MCAM: variants seen among roughly 807,000 people sequenced by gnomAD.
The protein encoded by MCAM is cell surface glycoprotein MUC18.
In MCAM, 55 loss-of-function variants were observed where a neutral mutation model predicts 79.1. The ratio of observed to expected loss-of-function variants is 0.70; its 90% CI spans 0.56 to 0.87. The LOEUF is 0.87. Ranked by LOEUF, MCAM falls within the 40% of genes least tolerant of loss-of-function variation. The pLI is 0.00. For missense variants in MCAM, 745 were observed against 839.8 expected, an observed-to-expected ratio of 0.89 and a Z score of 1.40; for synonymous variants, 330 against 339.8, an observed-to-expected ratio of 0.97 and a Z score of 0.32.
chr11:119,309,926 G>A lies in MCAM; in HGVS notation c.1912-11C>T, dbSNP rs971653591. On this transcript the variant is annotated splice_polypyrimidine_tract_variant and intron_variant, in intron 15 of 15. Transcript: ENST00000264036. ...GATGTATTTCTCTCCCTAAAAGTGG[G>A]TAGAGGAGAAGAGGGGAACACGGAG... The A allele has an allele frequency of 2.5e-6, 4 of 1,599,506 alleles. No individual in the cohort carries two copies. Among genetic ancestry groups the A allele is most frequent in the South Asian group, 1.1e-5 (1 of 88,188 alleles).
intron 5 of MCAM, 197 bp from the exon 6 acceptor site, chr11:119,313,146 A>G: frequency 6.6e-7 from 1 of 1,525,628 alleles, no homozygotes; most frequent in Non-Finnish European, 8.8e-7. Context: ...AAACATTTTC[A>G]TGTCTGCTCA....
Position 119,311,404 on chromosome 11 carries a change from T to C in MCAM, c.1425A>G (p.Gln475=), listed in dbSNP as rs1262551103. 4.3e-6 allele frequency: 7 copies of C among 1,614,022 alleles called. No individual in the cohort carries two copies. Among genetic ancestry groups the C allele is most frequent in the Non-Finnish European group, 5.9e-6 (7 of 1,180,024 alleles). ...NVNGTASEQD[Q]DPQRVLSTLN... is the part of the protein sequence containing the mutation. Reference sequence around the variant, plus strand: ...GGGTGCTCAGGACTCGCTGTGGATCTTGGTCTTGTTCACTTGCCTGCGAGG... The same window carrying C: ...GGGTGCTCAGGACTCGCTGTGGATCCTGGTCTTGTTCACTTGCCTGCGAGG... The change falls in exon 12 of 16, where the codon CAA becomes CAG. Residue 475 remains glutamine, a synonymous_variant. Coordinates refer to ENST00000264036, the MANE Select transcript of MCAM (RefSeq NM_006500.3). The surrounding 1 kb of genome is among the most constrained non-coding windows in gnomAD (Gnocchi z 4.4).
Position 119,309,765 on chromosome 11 carries a change from G to C in MCAM, c.*121C>G, listed in dbSNP as rs557747994. 2.9e-6 allele frequency: 3 copies of C among 1,028,252 alleles called. No individual in the cohort carries two copies. Among genetic ancestry groups the C allele is most frequent in the Middle Eastern group, 3.0e-4 (1 of 3,326 alleles). The allele number at this position is 1,028,252 out of a possible 1,614,324, so 63.7% of individuals were successfully genotyped here. ...TAACCCAGTGGCCCTCTGAAAGGGG[G>C]TGTGCAGGCGAGGGGAGCAGGAGGC... On this transcript the variant is annotated 3_prime_UTR_variant, in exon 16 of 16. Coordinates refer to ENST00000264036, the MANE Select transcript of MCAM (RefSeq NM_006500.3).
At position 119,312,197 on chromosome 11, in the gene MCAM, A is replaced by G. The variant is rs997297307; in HGVS notation, c.1025-27T>C. 1.2e-6 allele frequency: 2 copies of G among 1,610,766 alleles called. No homozygotes were observed. Among genetic ancestry groups the G allele is most frequent in the Non-Finnish European group, 1.7e-6 (2 of 1,177,954 alleles). ...TGGGGGTACAGCAATCATGTCACCC[A>G]GGGCAGGGTGGGGCCAGTTCCCTAT... On this transcript the variant is annotated intron_variant, in intron 8 of 15. Coordinates refer to ENST00000264036, the MANE Select transcript of MCAM (RefSeq NM_006500.3). The surrounding 1 kb of genome is among the most constrained non-coding windows in gnomAD (Gnocchi z 4.9).
chr11:119,310,083 T>A (rs1329943930), intron 15 of MCAM, 168 bp from the exon 16 acceptor site: 2 of 665,010 alleles, frequency 3.0e-6, no homozygotes, highest in African/African-American at 3.6e-5. Context: ...GCGGCCCCCG[T>A]CTGACTGCAC....
At position 119,311,858 on chromosome 11, in the gene MCAM, G is replaced by C. The variant is rs1366678976; in HGVS notation, c.1235C>G (p.Pro412Arg). The change falls in exon 10 of 16, where the codon CCC becomes CGC. Residue 412 changes from proline (P) to arginine (R), a missense_variant. By Grantham distance (103) the Pro-to-Arg change is moderately radical. Coordinates refer to ENST00000264036, the MANE Select transcript of MCAM (RefSeq NM_006500.3). This position sits in a 1 kb window ranked among gnomAD's most constrained non-coding sequence, Gnocchi z 4.4. ...GGGYRCVASV[P>R]SIPGLNRTQL... The stretch of plus-strand genomic sequence containing the variant: ...TGTGCGGTTCAGGCCGGGTATGCTG[G>C]GCACAGACGCCACGCAGCGATAGCC... 2 of 1,614,000 alleles carry C rather than the reference G, an allele frequency of 1.2e-6. No individual in the cohort carries two copies. Among genetic ancestry groups the C allele is most frequent in the African/African-American group, 2.7e-5 (2 of 74,916 alleles).
chr11:119,309,955 G>A, intron 15 of MCAM, 40 bp from the exon 16 acceptor site: 1 of 1,553,768 alleles, frequency 6.4e-7, no homozygotes, highest in Non-Finnish European at 8.8e-7. Context: ...CACGGAGACG[G>A]TGCTGAGTTG....
In MCAM at chr11:119,315,305, G is replaced by C; in HGVS notation, c.68-42C>G. Reference sequence around the variant, plus strand: ...GGGCCCCCGCAGCTGTGTCAGCTCCGGCTGCTGTCCGCCCCTCCCCTCGCA... The same window carrying C: ...GGGCCCCCGCAGCTGTGTCAGCTCCCGCTGCTGTCCGCCCCTCCCCTCGCA... On this transcript the variant is annotated intron_variant, in intron 1 of 15. Transcript: ENST00000264036. This position sits in a 1 kb window ranked among gnomAD's most constrained non-coding sequence, Gnocchi z 4.4. 1 of 1,581,828 alleles carries C rather than the reference G, an allele frequency of 6.3e-7. No individual in the cohort carries two copies. Among genetic ancestry groups the C allele is most frequent in the Non-Finnish European group, 8.6e-7 (1 of 1,168,526 alleles).
Position 119,310,240 on chromosome 11 carries a change from G to A in MCAM, c.1911+109C>T, listed in dbSNP as rs949160835. On this transcript the variant is annotated intron_variant, in intron 15 of 15. Transcript: ENST00000264036. ...GTGTTAAGAAGGCAAGATGGGGCCT[G>A]CTCCCTATCTCTGACAAAGAGGGAT... is the stretch of plus-strand genomic sequence containing the variant. 10 of 800,870 alleles carry A rather than the reference G, an allele frequency of 1.2e-5. No homozygotes were observed. The East Asian group carries it at 2.2e-4, about 18-fold the overall frequency. The allele number at this position is 800,870 out of a possible 1,614,324, so 49.6% of individuals were successfully genotyped here. A position where few individuals can be genotyped will look rare whatever the true frequency, so the allele number is the denominator to read the frequency against.
chr11:119,314,161 C>A (rs752406260), intron 5 of MCAM: 9 of 549,780 alleles, frequency 1.6e-5, no homozygotes, highest in Non-Finnish European at 2.4e-5. Flanking sequence ...ACCATAGGGA[C>A]AGCTCTTTTT....
intron 15 of MCAM, 127 bp from the exon 16 acceptor site, chr11:119,310,042 T>C (rs373443420): frequency 2.4e-6 from 2 of 819,144 alleles, no homozygotes; most frequent in Non-Finnish European, 4.0e-6. Flanking sequence ...GGGAGGAAGC[T>C]AGGATGGGCA....
In MCAM at chr11:119,312,841, C is replaced by T; in HGVS notation, c.668G>A (p.Cys223Tyr). 6.2e-7 allele frequency: 1 copy of T among 1,614,232 alleles called. No homozygotes were observed. The highest frequency in any genetic ancestry group is 8.5e-7 in the Non-Finnish European group (1 of 1,180,044). The change falls in exon 6 of 16, where the codon TGT (cysteine) becomes TAT (tyrosine). Residue 223 changes from cysteine to tyrosine, a missense_variant. Transcript: ENST00000264036. This position sits in a 1 kb window ranked among gnomAD's most constrained non-coding sequence, Gnocchi z 4.9. ...VKEDKDAQFY[C>Y]ELNYRLPSGN... ...ACTGGGCAGCCGGTAGTTGAGCTCA[C>T]AGTAAAACTGGGCATCTTTGTCTTC...
Position 119,311,892 on chromosome 11 carries a change from C to G in MCAM, c.1201G>C (p.Ala401Pro). ...VLQLHDLKRE[A>P]GGGYRCVASV... ...GCCACGCAGCGATAGCCGCCTCCTG[C>G]CTCCCGTTTCAGGTCATGCAACTGA... Residue 401 changes from alanine (A) to proline (P), a missense_variant, in exon 10 of 16, where the codon GCA becomes CCA. Transcript: ENST00000264036. The surrounding 1 kb of genome is among the most constrained non-coding windows in gnomAD (Gnocchi z 4.4). 1 of 1,614,150 alleles carries G rather than the reference C, an allele frequency of 6.2e-7. No homozygotes were observed. Among genetic ancestry groups the G allele is most frequent in the Non-Finnish European group, 8.5e-7 (1 of 1,180,028 alleles).
chr11:119,312,416 T>C lies in MCAM; in HGVS notation c.874A>G (p.Arg292Gly). 1 of 1,613,912 alleles carries C rather than the reference T, an allele frequency of 6.2e-7. No homozygotes were observed. Among genetic ancestry groups the C allele is most frequent in the Non-Finnish European group, 8.5e-7 (1 of 1,179,926 alleles). The change falls in exon 8 of 16, where the codon AGG (arginine) becomes GGG (glycine). Residue 292 changes from arginine (R) to glycine (G), a missense_variant. By Grantham distance (125) the Arg-to-Gly change is moderately radical. Coordinates refer to ENST00000264036, the MANE Select transcript of MCAM (RefSeq NM_006500.3). The surrounding 1 kb of genome is among the most constrained non-coding windows in gnomAD (Gnocchi z 4.9). ...TTGGTTGTCTCTTCCTCTGCCTCCC[T>C]GGTGCTGGGGTTCTAGGGAGGATTG... ...FSISKQNPSTREAEEETTNDN... is the reference protein window; with the variant it reads ...FSISKQNPSTGEAEEETTNDN...
At position 119,312,041 on chromosome 11, in the gene MCAM, CG is replaced by C; in HGVS notation, c.1143+10del. On this transcript the variant is annotated intron_variant, in intron 9 of 15. Coordinates refer to ENST00000264036, the MANE Select transcript of MCAM (RefSeq NM_006500.3). The surrounding 1 kb of genome is among the most constrained non-coding windows in gnomAD (Gnocchi z 4.9). Reference sequence around the variant, plus strand: ...CCCCATCAGCCCCTTGCCCCAGACCCGCCTGGGTACCTCTTCTCTCAGCCAC... The same window carrying C: ...CCCCATCAGCCCCTTGCCCCAGACCCCCTGGGTACCTCTTCTCTCAGCCAC... 6.2e-7 allele frequency: 1 copy of C among 1,608,304 alleles called. No individual in the cohort carries two copies. Among genetic ancestry groups the C allele is most frequent in the Non-Finnish European group, 8.5e-7 (1 of 1,176,896 alleles).
chr11:119,315,450 G>A lies in MCAM; in HGVS notation c.68-187C>T. ...GGGCCAGCCCTCTCCCCGTCCAGGAGATCCCAGGTCCTTGGAGCCAAGCAG... is the reference window on the plus strand; with the variant it reads ...GGGCCAGCCCTCTCCCCGTCCAGGAAATCCCAGGTCCTTGGAGCCAAGCAG... On this transcript the variant is annotated intron_variant, in intron 1 of 15. Coordinates refer to ENST00000264036, the MANE Select transcript of MCAM (RefSeq NM_006500.3). The surrounding 1 kb of genome is among the most constrained non-coding windows in gnomAD (Gnocchi z 4.4). 1 of 652,920 alleles carries A rather than the reference G, an allele frequency of 1.5e-6. No homozygotes were observed. The highest frequency in any genetic ancestry group is 2.9e-5 in the Admixed American group (1 of 34,360). 40.4% of individuals were successfully genotyped at this position (652,920 alleles called of 1,614,324 possible).
chr11:119,310,873 C>G lies in MCAM; in HGVS notation c.1676G>C (p.Gly559Ala). ...CACAATCACAGCCACGATGACCACG[C>G]CCCGGCTCTCCGGCTCCGGCAGCTT... ...ERKLPEPESR[G>A]VVIVAVIVCI... The change falls in exon 14 of 16, where the codon GGC becomes GCC. Residue 559 changes from glycine to alanine, a missense_variant. Physicochemically the swap from Gly to Ala is moderately conservative, Grantham distance 60. Transcript: ENST00000264036. The G allele has an allele frequency of 6.2e-7, 1 of 1,614,218 alleles. No homozygotes were observed. The highest frequency in any genetic ancestry group is 1.1e-5 in the South Asian group (1 of 91,088).
At position 119,314,535 on chromosome 11, in the gene MCAM, T is replaced by G. The variant is rs199610718; in HGVS notation, c.513A>C (p.Gln171His). ...GCCGGCCATTCTTGTACCAGATGAC[T>G]TGAGGAATGGGGTACCCGTTCCTCC... Reference protein sequence around the residue: ...CVGRNGYPIPQVIWYKNGRPL... With the variant: ...CVGRNGYPIPHVIWYKNGRPL... The change falls in exon 5 of 16, where the codon CAA becomes CAC. Residue 171 changes from glutamine to histidine, a missense_variant. Gln to His is a conservative substitution (Grantham distance 24, BLOSUM62 0). Transcript: ENST00000264036. 12 of 1,613,770 alleles carry G rather than the reference T, an allele frequency of 7.4e-6. No individual in the cohort carries two copies. Among genetic ancestry groups the G allele is most frequent in the Admixed American group, 1.7e-5 (1 of 59,994 alleles).
At position 119,311,060 on chromosome 11, in the gene MCAM, A is replaced by C. The variant is rs1950226767; in HGVS notation, c.1645+30T>G. 1 of 1,614,208 alleles carries C rather than the reference A, an allele frequency of 6.2e-7. No individual in the cohort carries two copies. The highest frequency in any genetic ancestry group is 8.5e-7 in the Non-Finnish European group (1 of 1,180,006). ...CAGGGCAGAAAGGATGCCCTGGCACAGCCCTGTTCTCTTGCCAGGCCTGGC... is the reference window on the plus strand; with the variant it reads ...CAGGGCAGAAAGGATGCCCTGGCACCGCCCTGTTCTCTTGCCAGGCCTGGC... On this transcript the variant is annotated intron_variant, in intron 13 of 15. Coordinates refer to ENST00000264036, the MANE Select transcript of MCAM (RefSeq NM_006500.3). The surrounding 1 kb of genome is among the most constrained non-coding windows in gnomAD (Gnocchi z 4.4).
Sources: allele counts gnomAD v4.1 joint callset, GRCh38; gene constraint gnomAD v4.1.1; non-coding constraint Gnocchi (gnomAD v3.1); transcripts MANE v1.5; gene names NCBI Gene and HGNC (gene_info 2026-07-23, HGNC 2026-07-21).